The following CIB1 variants were observed in gnomAD, a reference collection of about 807,000 sequenced individuals.
CIB1 encodes the protein calcium and integrin-binding protein 1.
In CIB1, 19 loss-of-function variants were observed where a neutral mutation model predicts 25.0. That is an observed-to-expected ratio of 0.76 (90% CI 0.53 to 1.12). CIB1 has a LOEUF of 1.12. CIB1 is among the 50% of genes most tolerant of loss of function. The pLI, the probability that CIB1 is intolerant of heterozygous loss-of-function variation, is 0.00. For missense variants in CIB1, 236 were observed against 242.6 expected (o/e 0.97, Z 0.18); for synonymous variants, 104 against 98.5 (o/e 1.06, Z -0.33).
chr15:90,232,490 A>G (rs1962520435), intron 2 of CIB1, 163 bp from the exon 3 acceptor site: 1 of 1,158,498 alleles, frequency 8.6e-7, no homozygotes, highest in Non-Finnish European at 1.2e-6. Flanking sequence ...GACATGTCAC[A>G]AGGCAGTACA....
the CIB1 span, chr15:90,250,516 A>G: frequency 1.5e-6 from 2 of 1,336,640 alleles, no homozygotes; most frequent in African/African-American, 1.5e-5. Context: ...ACTTTCCCTT[A>G]TAACAGCATG....
At chr15:90,235,599 G>A (rs1200309686), upstream of CIB1, among the ~76,000 whole-genome samples, 6 of 151,674 alleles carry the variant, frequency 4.0e-5, no homozygotes, top group Non-Finnish European at 5.9e-5. Flanking sequence ...ACAGAGTCTC[G>A]CTGTGTCGCC....
chr15:90,264,038 C>A, the CIB1 span: 1 of 1,535,110 alleles, frequency 6.5e-7, no homozygotes, highest in Non-Finnish European at 8.7e-7. Flanking sequence ...TTTTCCAGTG[C>A]CAGAATCAGG....
chr15:90,255,906 A>C, the CIB1 span: 2 of 1,614,008 alleles, frequency 1.2e-6, no homozygotes, highest in Non-Finnish European at 1.7e-6. Flanking sequence ...CTGGCTTCCC[A>C]TGCTGAGATA....
chr15:90,233,814 AG>A lies in CIB1; in HGVS notation c.51+20del, dbSNP rs1023313496. On this transcript the variant is annotated intron_variant, in intron 1 of 6. Coordinates refer to ENST00000328649, the MANE Select transcript of CIB1 (RefSeq NM_006384.4). ...GAAGAGGCCCGCACGCGAGCTCCCC[AG>A]GGCCAGGCGTCCCGCGCACCTGGTA... The A allele has an allele frequency of 7.8e-6, 12 of 1,547,372 alleles. No homozygotes were observed. The African/African-American group carries it at 1.5e-4, about 19-fold the overall frequency.
the CIB1 span, chr15:90,265,679 C>A: frequency 6.2e-7 from 1 of 1,611,112 alleles, no homozygotes; most frequent in Non-Finnish European, 8.5e-7. Context: ...GCTGCTGTTT[C>A]GTAGCCGACT....
chr15:90,233,030 T>C (rs1359370918), intron 2 of CIB1, among the ~76,000 whole-genome samples: 4 of 152,072 alleles, frequency 2.6e-5, no homozygotes, highest in Non-Finnish European at 5.9e-5. Context: ...GCAACCACAC[T>C]GAACTGTCCT....
the CIB1 span, chr15:90,241,099 G>T: frequency 2.5e-6 from 4 of 1,614,160 alleles, no homozygotes; most frequent in Admixed American, 6.7e-5. Flanking sequence ...GCTGCACTCT[G>T]CTCTGCCTGG....
the CIB1 span, chr15:90,263,291 G>C: frequency 1.8e-5 from 13 of 704,590 alleles, no homozygotes; most frequent in Admixed American, 3.3e-4. Context: ...TGGACCTTGG[G>C]AGAGGGTCTG....
the CIB1 span, among the ~76,000 whole-genome samples, chr15:90,249,279 T>C: frequency 6.7e-6 from 1 of 149,452 alleles, no homozygotes; most frequent in South Asian, 2.1e-4. Flanking sequence ...GTCCTCATTA[T>C]ATGCTTGGCC....
chr15:90,257,343 A>C, the CIB1 span: 1 of 1,557,120 alleles, frequency 6.4e-7, no homozygotes, highest in Non-Finnish European at 8.7e-7. Context: ...TCTCTAGAGA[A>C]ACATGGTAGA....
At chr15:90,241,518 G>A in the CIB1 span, 27 of 1,613,472 alleles carry the variant, frequency 1.7e-5, no homozygotes, top group Admixed American at 8.3e-5. Flanking sequence ...CTTCCGTGTC[G>A]GCTTCAACAG....
At chr15:90,253,977 G>A in the CIB1 span, among the ~76,000 whole-genome samples, 2 of 152,214 alleles carry the variant, frequency 1.3e-5, no homozygotes, top group Non-Finnish European at 2.9e-5. Flanking sequence ...CTTGGGAGAG[G>A]TGCCCAAGAG....
chr15:90,264,574 C>A, the CIB1 span: 2 of 909,722 alleles, frequency 2.2e-6, no homozygotes, highest in Non-Finnish European at 3.2e-6. Context: ...ACATACCATA[C>A]CAATTACAAT....
At chr15:90,265,520 A>C in the CIB1 span, 1 of 1,397,220 alleles carries the variant, frequency 7.2e-7, no homozygotes. Flanking sequence ...CGTTTCAGGG[A>C]AGCCCTCTCC....
chr15:90,260,874 A>G, the CIB1 span, among the ~76,000 whole-genome samples: 3 of 150,366 alleles, frequency 2.0e-5, no homozygotes, highest in Non-Finnish European at 4.4e-5. Flanking sequence ...AAAAAGAGAG[A>G]AAGAAAGGAA....
the CIB1 span, chr15:90,264,797 C>T: frequency 6.5e-7 from 1 of 1,536,112 alleles, no homozygotes; most frequent in Non-Finnish European, 8.7e-7. Flanking sequence ...AACCCCAAAG[C>T]AGGGCTATTT....
In CIB1 at chr15:90,231,032, GGA is replaced by G. The variant is rs746373849; in HGVS notation, c.466-12_466-11del. ...CAGACTCCTCCAGGATCTGGGAAAG[GGA>G]GAGTTTCAGGCCAGAGCCCCAACTG... On this transcript the variant is annotated splice_polypyrimidine_tract_variant and intron_variant, in intron 5 of 6. Transcript: ENST00000328649. 48 of 1,613,674 alleles carry G rather than the reference GGA, an allele frequency of 3.0e-5. No individual in the cohort carries two copies. Among genetic ancestry groups the G allele is most frequent in the African/African-American group, 4.0e-5 (3 of 74,920 alleles).
intron 2 of CIB1, among the ~76,000 whole-genome samples, chr15:90,232,961 C>T (rs187928261): frequency 6.6e-6 from 1 of 151,772 alleles, no homozygotes; most frequent in East Asian, 1.9e-4. Flanking sequence ...AGAGCAAAAC[C>T]AAAAATCTCA....
Sources: gnomAD v4.1 joint callset for allele counts (sites outside exome capture counted in the v4.1 genomes callset) on GRCh38, gnomAD v4.1.1 for gene constraint, MANE v1.5 for transcripts, NCBI Gene and HGNC (gene_info 2026-07-23, HGNC 2026-07-21) for gene names.